CSMD1: variants seen among roughly 807,000 people sequenced by gnomAD.
The protein encoded by CSMD1 is CUB and Sushi multiple domains 1, also known as CUB and sushi domain-containing protein 1.
A neutral mutation model predicts 417.5 loss-of-function variants in CSMD1; 213 were observed. The observed-to-expected ratio is 0.51, with a 90% CI of 0.46 to 0.57. The LOEUF (loss-of-function observed/expected upper bound fraction) is 0.57. Ranked by LOEUF, CSMD1 falls within the 20% of genes least tolerant of loss-of-function variation. The pLI is 0.00. For synonymous variants in CSMD1, 2,862 were observed against 1,736.8 expected, an observed-to-expected ratio of 1.65 and a Z score of -16.11; for missense variants, 6,923 against 4,529.7, an observed-to-expected ratio of 1.53 and a Z score of -15.17.
chr8:4,553,468 AG>A (rs1489493233), intron 2 of CSMD1, among the ~76,000 whole-genome samples: 1 of 151,216 alleles, frequency 6.6e-6, no homozygotes, highest in Non-Finnish European at 1.5e-5. Context: ...TACAAATGAA[AG>A]CAAACCATTT....
intron 49 of CSMD1, among the ~76,000 whole-genome samples, chr8:3,083,918 C>T (rs1814329141): frequency 6.6e-6 from 1 of 151,838 alleles, no homozygotes; most frequent in South Asian, 2.1e-4. Context: ...CCACCTTGGC[C>T]TCCCAAAGAT....
At chr8:3,730,179 A>G (rs1482993152) in intron 6 of CSMD1, among the ~76,000 whole-genome samples, 1 of 151,948 alleles carries the variant, frequency 6.6e-6, no homozygotes, top group African/African-American at 2.4e-5. Context: ...CCCCAAAATC[A>G]TGTCTCCAAC....
chr8:4,431,190 G>C (rs552707772), intron 2 of CSMD1, among the ~76,000 whole-genome samples: 2 of 152,148 alleles, frequency 1.3e-5, no homozygotes, highest in East Asian at 3.9e-4. Context: ...GTGACCCCTA[G>C]AGTTTATTCC....
chr8:3,671,538 TATATATGATC>T lies in CSMD1; in HGVS notation c.1009+36866_1009+36875del, dbSNP rs1467229286. On this transcript the variant is annotated intron_variant, in intron 7 of 69. Transcript: ENST00000635120. Reference sequence around the variant, plus strand: ...GATCATATATATGATCATATATATATATATATGATCATATATATGATCATATATATATATA... The same window carrying T: ...GATCATATATATGATCATATATATATATATATATGATCATATATATATATA... Among the ~76,000 whole-genome samples the T allele has an allele frequency of 1.3e-3, 13 of 10,278 alleles. 1 individual carries two copies. The East Asian group carries it at 0.019, about 15-fold the overall frequency. 6.7% of individuals were successfully genotyped at this position (10,278 alleles called of 152,430 possible).
At chr8:4,249,247 A>G (rs1802901330) in intron 3 of CSMD1, among the ~76,000 whole-genome samples, 1 of 152,178 alleles carries the variant, frequency 6.6e-6, no homozygotes, top group South Asian at 2.1e-4. Flanking sequence ...AAGGGCAAAC[A>G]TTTCTCTTTT....
chr8:4,719,268 A>G (rs1347527267), intron 1 of CSMD1, among the ~76,000 whole-genome samples: 2 of 152,188 alleles, frequency 1.3e-5, no homozygotes, highest in Admixed American at 1.3e-4. Context: ...TATCTTCAGG[A>G]CTAAATTAAC....
At chr8:3,008,409 T>C (rs762737009) in intron 52 of CSMD1, among the ~76,000 whole-genome samples, 9 of 152,222 alleles carry the variant, frequency 5.9e-5, no homozygotes, top group Non-Finnish European at 1.3e-4. Flanking sequence ...CTGCAGTTTA[T>C]AGAATTCAAC....
At chr8:3,970,453 T>A (rs1458682658) in intron 5 of CSMD1, among the ~76,000 whole-genome samples, 2 of 152,068 alleles carry the variant, frequency 1.3e-5, no homozygotes, top group Non-Finnish European at 2.9e-5. Flanking sequence ...CATGAGAAAC[T>A]CTTGTCTCTT....
At chr8:4,816,691 A>G (rs1428674979) in intron 1 of CSMD1, among the ~76,000 whole-genome samples, 1 of 152,184 alleles carries the variant, frequency 6.6e-6, no homozygotes, top group African/African-American at 2.4e-5. Flanking sequence ...GCAGGACTTA[A>G]ACTTCTACAA....
intron 3 of CSMD1, among the ~76,000 whole-genome samples, chr8:4,338,473 T>A (rs769501857): frequency 4.6e-5 from 7 of 152,124 alleles, no homozygotes. Flanking sequence ...CTGGTTAGGT[T>A]CATGGCAAAT....
intron 3 of CSMD1, among the ~76,000 whole-genome samples, chr8:4,383,748 A>C (rs530822622): frequency 6.6e-6 from 1 of 151,156 alleles, no homozygotes; most frequent in Non-Finnish European, 1.5e-5. Context: ...CAGATAAAAA[A>C]AATTTCCTTT....
chr8:4,849,253 C>G (rs1410317152), intron 1 of CSMD1, among the ~76,000 whole-genome samples: 1 of 152,012 alleles, frequency 6.6e-6, no homozygotes, highest in Non-Finnish European at 1.5e-5. Flanking sequence ...TATTGTACAC[C>G]TGTGCATGTG....
chr8:4,413,586 C>G (rs1207691770), intron 3 of CSMD1, among the ~76,000 whole-genome samples: 1 of 151,888 alleles, frequency 6.6e-6, no homozygotes, highest in Non-Finnish European at 1.5e-5. Context: ...AGCAAGAACG[C>G]TTATTATGAG....
At chr8:4,417,051 C>T (rs1441359135) in intron 3 of CSMD1, among the ~76,000 whole-genome samples, 1 of 151,976 alleles carries the variant, frequency 6.6e-6, no homozygotes, top group East Asian at 1.9e-4. Flanking sequence ...AATCTTACAA[C>T]ACTGAATTAA....
chr8:3,742,591 T>C (rs185309532), intron 6 of CSMD1, among the ~76,000 whole-genome samples: 6 of 152,296 alleles, frequency 3.9e-5, no homozygotes, highest in South Asian at 2.1e-4. Context: ...CCCGGGCCAG[T>C]AGTGCTTCAC....
intron 12 of CSMD1, among the ~76,000 whole-genome samples, chr8:3,434,214 C>T (rs949363271): frequency 2.0e-5 from 3 of 152,150 alleles, no homozygotes; most frequent in Non-Finnish European, 4.4e-5. Flanking sequence ...TGCCAGCGTC[C>T]TTTCAGAATA....
At chr8:3,816,307 C>G (rs1801362322) in intron 5 of CSMD1, among the ~76,000 whole-genome samples, 1 of 152,168 alleles carries the variant, frequency 6.6e-6, no homozygotes, top group Non-Finnish European at 1.5e-5. Flanking sequence ...TGCAGTTTCC[C>G]TTGCTGTGTT....
At chr8:3,945,897 C>G (rs1305794951) in intron 5 of CSMD1, among the ~76,000 whole-genome samples, 1 of 152,090 alleles carries the variant, frequency 6.6e-6, no homozygotes, top group Non-Finnish European at 1.5e-5. Flanking sequence ...AACGTACTGA[C>G]TATTCACTCA....
chr8:4,557,877 C>T (rs1005710170), intron 2 of CSMD1, among the ~76,000 whole-genome samples: 15 of 152,070 alleles, frequency 9.9e-5, no homozygotes, highest in East Asian at 3.9e-4. Context: ...AAATGGGAGT[C>T]GGACAGTGTA....
Sources: gnomAD v4.1 joint callset for allele counts (sites outside exome capture counted in the v4.1 genomes callset) on GRCh38, gnomAD v4.1.1 for gene constraint, MANE v1.5 for transcripts, NCBI Gene and HGNC (gene_info 2026-07-23, HGNC 2026-07-21) for gene names.